ARHGEF10: variants seen among roughly 807,000 people sequenced by gnomAD.
ARHGEF10 encodes the protein Rho guanine nucleotide exchange factor 10, also known as Rho guanine nucleotide exchange factor (GEF) 10.
ARHGEF10 carries 140 observed loss-of-function variants against 147.4 expected under a neutral mutation model. The observed-to-expected ratio is 0.95, with a 90% CI of 0.83 to 1.09. The LOEUF (loss-of-function observed/expected upper bound fraction) is 1.09, where lower values mean the gene tolerates loss of function less well. Ranked by LOEUF, ARHGEF10 falls within the 50% of genes least tolerant of loss-of-function variation. The pLI is 0.00. For synonymous variants in ARHGEF10, 902 were observed against 695.8 expected (o/e 1.30, Z -4.67); for missense variants, 2,222 against 1,752.7 (o/e 1.27, Z -4.78).
At chr8:1,841,474 C>T (rs1405351737) in intron 1 of ARHGEF10, among the ~76,000 whole-genome samples, 2 of 152,158 alleles carry the variant, frequency 1.3e-5, no homozygotes, top group Non-Finnish European at 2.9e-5. Context: ...TTAGTGATGC[C>T]TGTGCATTGT....
intron 6 of ARHGEF10, among the ~76,000 whole-genome samples, chr8:1,868,605 T>C (rs1806819702): frequency 6.6e-6 from 1 of 152,236 alleles, no homozygotes; most frequent in South Asian, 2.1e-4. Context: ...TTGCACGTGA[T>C]ACAGATTGAG....
rs184752821 is a variant in ARHGEF10, at chr8:1,952,698, C to T, written c.3398-7C>T. 1.4e-3 allele frequency: 2,210 copies of T among 1,613,490 alleles called. 50 individuals are homozygous for T. In the Admixed American group the frequency reaches 0.033, roughly 24 times the overall value. ...AGACCCGAAGCCACTCATGTCTTTC[C>T]GCCCAGGGCACCAGCGGCTGTCGGT... On this transcript the variant is annotated splice_polypyrimidine_tract_variant and splice_region_variant and intron_variant, in intron 27 of 28. Coordinates refer to ENST00000349830, the MANE Select transcript of ARHGEF10 (RefSeq NM_014629.4).
rs1393403259 is a variant in ARHGEF10 at position 1,876,598 on chromosome 8, A to T, written c.707A>T (p.Asn236Ile). The change falls in exon 8 of 29, where the codon AAT becomes ATT. Residue 236 changes from asparagine to isoleucine, a missense_variant. Physicochemically the swap from Asn to Ile is moderately radical, Grantham distance 149. Transcript: ENST00000349830. ...GAAATGATTTATGATGATGTTGAGA[A>T]TGGGGATGAAGGTGGAAACAGCTCC... ...PDEMIYDDVE[N>I]GDEGGNSSLE... The T allele has an allele frequency of 6.2e-7, 1 of 1,614,140 alleles. No individual in the cohort carries two copies. Among genetic ancestry groups the T allele is most frequent in the Non-Finnish European group, 8.5e-7 (1 of 1,180,052 alleles).
At chr8:1,837,210 C>G (rs944610737) in intron 1 of ARHGEF10, among the ~76,000 whole-genome samples, 1 of 152,244 alleles carries the variant, frequency 6.6e-6, no homozygotes, top group Non-Finnish European at 1.5e-5. Context: ...CAGAATCTGA[C>G]AGTTGCTTCC....
intron 1 of ARHGEF10, among the ~76,000 whole-genome samples, chr8:1,840,239 TGGTGTGGGGACTGTCC>T (rs1803912323): frequency 8.5e-6 from 1 of 116,986 alleles, no homozygotes; most frequent in African/African-American, 3.6e-5. Flanking sequence ...GGAAGCTGTC[TGGTGTGGGGACTGTCC>T]GGTGTGGAAT....
At chr8:1,828,573 T>G (rs4475535) in intron 1 of ARHGEF10, among the ~76,000 whole-genome samples, 1 of 96,904 alleles carries the variant, frequency 1.0e-5, no homozygotes, top group African/African-American at 4.6e-5. Context: ...TTTGATAAAC[T>G]GTGGCATGCA....
At chr8:1,861,700 C>T (rs1315456279) in intron 4 of ARHGEF10, among the ~76,000 whole-genome samples, 4 of 152,114 alleles carry the variant, frequency 2.6e-5, no homozygotes, top group East Asian at 1.9e-4. Context: ...TCAGAATAGA[C>T]GGCCTCCTGT....
Position 1,905,666 on chromosome 8 carries a change from C to G in ARHGEF10, c.1917C>G (p.Arg639=). The stretch of plus-strand genomic sequence containing the variant: ...GAGAGATTGTTAAAACCAAAGAACG[C>G]CGAGTCTTCATGTTAAATGATGTGT... ...DRGEIVKTKE[R]RVFMLNDVLM... The change falls in exon 17 of 29, where the codon CGC becomes CGG. Residue 639 remains arginine, a synonymous_variant. Transcript: ENST00000349830. 6.2e-7 allele frequency: 1 copy of G among 1,614,180 alleles called. No homozygotes were observed. The highest frequency in any genetic ancestry group is 8.5e-7 in the Non-Finnish European group (1 of 1,180,030).
chr8:1,829,488 T>C (rs1224883391), intron 1 of ARHGEF10, among the ~76,000 whole-genome samples: 1 of 152,170 alleles, frequency 6.6e-6, no homozygotes, highest in Non-Finnish European at 1.5e-5. Flanking sequence ...AGTCGACTCA[T>C]GCTTTGTTCT....
intron 10 of ARHGEF10, among the ~76,000 whole-genome samples, chr8:1,884,199 C>A (rs1044180177): frequency 1.3e-5 from 2 of 152,098 alleles, no homozygotes; most frequent in African/African-American, 2.4e-5. Flanking sequence ...CAAGACCATC[C>A]TGGCTAACAC....
At chr8:1,840,570 CT>C in intron 1 of ARHGEF10, among the ~76,000 whole-genome samples, 1 of 151,012 alleles carries the variant, frequency 6.6e-6, no homozygotes, top group East Asian at 2.0e-4. Flanking sequence ...GATATGGGGA[CT>C]GTCTGGTGTG....
At chr8:1,843,280 C>A in intron 1 of ARHGEF10, 73 bp from the exon 2 acceptor site, 1 of 1,195,380 alleles carries the variant, frequency 8.4e-7, no homozygotes, top group Non-Finnish European at 1.2e-6. Context: ...GGTTCTCTGT[C>A]GACAGCCCTA....
chr8:1,950,295 T>G (rs1290272288), intron 27 of ARHGEF10, among the ~76,000 whole-genome samples: 1 of 152,160 alleles, frequency 6.6e-6, no homozygotes, highest in Non-Finnish European at 1.5e-5. Context: ...GACGCCTGGA[T>G]AGCGGCACTC....
intron 3 of ARHGEF10, 141 bp downstream of exon 3, chr8:1,858,256 C>T (rs923047870): frequency 4.1e-6 from 3 of 730,830 alleles, no homozygotes; most frequent in South Asian, 2.0e-5. Flanking sequence ...AGGTGAGTCC[C>T]CTGGGGGGTT....
At chr8:1,875,167 G>C (rs1807576994) in intron 7 of ARHGEF10, among the ~76,000 whole-genome samples, 1 of 83,816 alleles carries the variant, frequency 1.2e-5, no homozygotes, top group African/African-American at 4.8e-5. Context: ...AGACAGTCTG[G>C]TGGGAGAGTG....
intron 1 of ARHGEF10, among the ~76,000 whole-genome samples, chr8:1,840,965 A>G (rs1301127508): frequency 6.6e-6 from 1 of 152,128 alleles, no homozygotes; most frequent in African/African-American, 2.4e-5. Flanking sequence ...AGGGCACCCG[A>G]TGTGGATCCT....
At position 1,922,981 on chromosome 8, in the gene ARHGEF10, C is replaced by A. The variant is rs1812411890; in HGVS notation, c.2161C>A (p.Pro721Thr). Residue 721 changes from proline (P) to threonine (T), a missense_variant, in exon 19 of 29, where the codon CCA (proline) becomes ACA (threonine). By Grantham distance (38) the Pro-to-Thr change is conservative (BLOSUM62 -1). Coordinates refer to ENST00000349830, the MANE Select transcript of ARHGEF10 (RefSeq NM_014629.4). ...TTTTGTAGACAAAGTTTACATGGGGCCAGGACAACTGTATCAAGATTTACA... is the reference window on the plus strand; with the variant it reads ...TTTTGTAGACAAAGTTTACATGGGGACAGGACAACTGTATCAAGATTTACA... ...NAKPNKVYMG[P>T]GQLYQDLQNL... 6.2e-7 allele frequency: 1 copy of A among 1,612,650 alleles called. No individual in the cohort carries two copies. Among genetic ancestry groups the A allele is most frequent in the Non-Finnish European group, 8.5e-7 (1 of 1,179,346 alleles).
chr8:1,865,662 G>C (rs1284439051), intron 5 of ARHGEF10, among the ~76,000 whole-genome samples: 1 of 152,230 alleles, frequency 6.6e-6, no homozygotes, highest in Non-Finnish European at 1.5e-5. Flanking sequence ...CTTGGGGCCT[G>C]TTAGAGCTTT....
chr8:1,956,886 A>T lies in ARHGEF10; in HGVS notation c.3658A>T (p.Lys1220Ter). Residue 1220 changes from lysine to a stop codon, truncating the protein, a stop_gained, in exon 29 of 29, where the codon AAG (lysine) becomes TAG (stop). Transcript: ENST00000349830. LOFTEE classifies it low-confidence loss of function (END_TRUNC). ...CCCCGAGCCTCAGGACGAAGACCAG[A>T]AGGACGCACTTCCGAGTGGAGGAGC... ...PGPEPQDEDQKDALPSGGAGS... is the reference protein window; with the variant it reads ...PGPEPQDEDQ 6.2e-7 allele frequency: 1 copy of T among 1,614,064 alleles called. No individual in the cohort carries two copies. Among genetic ancestry groups the T allele is most frequent in the Non-Finnish European group, 8.5e-7 (1 of 1,180,010 alleles).
Sources: gnomAD v4.1 joint callset for allele counts (sites outside exome capture counted in the v4.1 genomes callset) on GRCh38, gnomAD v4.1.1 for gene constraint, MANE v1.5 for transcripts, NCBI Gene and HGNC (gene_info 2026-07-23, HGNC 2026-07-21) for gene names.